TUNAR: variants seen among roughly 807,000 people sequenced by gnomAD.
TUNAR encodes protein TUNAR.
At chr14:95,884,824 C>A (rs1889048242) in intron 2 of TUNAR, among the ~76,000 whole-genome samples, 1 of 152,204 alleles carries the variant, frequency 6.6e-6, no homozygotes, top group African/African-American at 2.4e-5. Context: ...TCTCCGACTG[C>A]CGCTCTTGCT....
chr14:95,894,180 G>A (rs1426396609), intron 2 of TUNAR, among the ~76,000 whole-genome samples: 1 of 152,232 alleles, frequency 6.6e-6, no homozygotes, highest in Non-Finnish European at 1.5e-5. Context: ...CCCGTGGGAT[G>A]TTGAGAGTGT....
At chr14:95,885,615 G>A (rs1281271529) in intron 2 of TUNAR, among the ~76,000 whole-genome samples, 2 of 152,174 alleles carry the variant, frequency 1.3e-5, no homozygotes, top group Non-Finnish European at 2.9e-5. Flanking sequence ...GGTCTGTAGA[G>A]TCAGGCTGAG....
chr14:95,897,361 A>T (rs544431008), intron 2 of TUNAR, among the ~76,000 whole-genome samples: 2 of 152,166 alleles, frequency 1.3e-5, no homozygotes, highest in African/African-American at 4.8e-5. Flanking sequence ...TTACTTTTCA[A>T]TCTTTAGATA....
chr14:95,897,023 C>A (rs1304088860), intron 2 of TUNAR, among the ~76,000 whole-genome samples: 2 of 152,248 alleles, frequency 1.3e-5, no homozygotes, highest in African/African-American at 2.4e-5. Flanking sequence ...TTTTATTTCA[C>A]AGTAAAACCG....
At chr14:95,907,990 G>T (rs996822739) in intron 2 of TUNAR, among the ~76,000 whole-genome samples, 2 of 152,308 alleles carry the variant, frequency 1.3e-5, no homozygotes, top group African/African-American at 4.8e-5. Context: ...TCCATGGGCA[G>T]CCATGGGTGG....
At position 95,910,210 on chromosome 14, in the gene TUNAR, C is replaced by T. The variant is rs538675733; in HGVS notation, c.13-12571C>T. Among the ~76,000 whole-genome samples, 62 of 152,190 alleles carry T rather than the reference C, an allele frequency of 4.1e-4. 1 individual carries two copies. The highest frequency in any genetic ancestry group is 8.5e-4 in the Admixed American group (13 of 15,284). ...TAATGCTTATTTTTGTCTGTGCTGT[C>T]GCTGTGTCTCTAGAATAGGGTCTTG... On this transcript the variant is annotated intron_variant, in intron 2 of 2. Transcript: ENST00000678517.
chr14:95,913,686 G>A (rs1197486187), intron 2 of TUNAR, among the ~76,000 whole-genome samples: 1 of 152,118 alleles, frequency 6.6e-6, no homozygotes, highest in Non-Finnish European at 1.5e-5. Flanking sequence ...CTCAGCCATG[G>A]TCTGTCCAGC....
intron 2 of TUNAR, among the ~76,000 whole-genome samples, chr14:95,879,721 G>C (rs1396657976): frequency 3.9e-5 from 5 of 127,010 alleles, no homozygotes; most frequent in Non-Finnish European, 8.5e-5. Context: ...TTTTTTTTCT[G>C]TAAGATCTCT....
intron 2 of TUNAR, among the ~76,000 whole-genome samples, chr14:95,891,047 C>T (rs1889172372): frequency 6.6e-6 from 1 of 152,220 alleles, no homozygotes; most frequent in African/African-American, 2.4e-5. Context: ...AGGGAAGCGA[C>T]ATGATCTAGT....
At chr14:95,882,147 T>C (rs1306540502) in intron 2 of TUNAR, among the ~76,000 whole-genome samples, 4 of 152,200 alleles carry the variant, frequency 2.6e-5, no homozygotes, top group African/African-American at 9.7e-5. Flanking sequence ...AGTTTTTGAT[T>C]TGGTAAATGA....
chr14:95,882,197 T>C (rs183961802), intron 2 of TUNAR, among the ~76,000 whole-genome samples: 1 of 152,370 alleles, frequency 6.6e-6, no homozygotes, highest in African/African-American at 2.4e-5. Flanking sequence ...CCATGGAATC[T>C]GCATCTTCTG....
chr14:95,879,725 G>T (rs1033983505), intron 2 of TUNAR, among the ~76,000 whole-genome samples: 3 of 146,772 alleles, frequency 2.0e-5, no homozygotes, highest in East Asian at 2.0e-4. Context: ...TTTTCTGTAA[G>T]ATCTCTAAGC....
chr14:95,886,289 T>C (rs1463934641), intron 2 of TUNAR, among the ~76,000 whole-genome samples: 3 of 152,222 alleles, frequency 2.0e-5, no homozygotes, highest in Non-Finnish European at 4.4e-5. Context: ...CGTGTGCCAC[T>C]CAGTGACCAT....
intron 2 of TUNAR, among the ~76,000 whole-genome samples, chr14:95,904,902 T>C (rs1243883722): frequency 6.6e-6 from 1 of 152,148 alleles, no homozygotes; most frequent in African/African-American, 2.4e-5. Context: ...GTTCTGGGGC[T>C]TTCTGTAACC....
intron 2 of TUNAR, among the ~76,000 whole-genome samples, chr14:95,900,239 G>A (rs1431877943): frequency 6.6e-6 from 1 of 152,224 alleles, no homozygotes; most frequent in East Asian, 1.9e-4. Flanking sequence ...CAACTCAGAG[G>A]GAGAGACAAA....
intron 2 of TUNAR, among the ~76,000 whole-genome samples, chr14:95,899,201 G>A (rs1321619884): frequency 6.6e-6 from 1 of 152,160 alleles, no homozygotes; most frequent in Non-Finnish European, 1.5e-5. Context: ...TATGCTGGAG[G>A]ACCCAGGAGT....
At chr14:95,890,947 C>T (rs1889169791) in intron 2 of TUNAR, among the ~76,000 whole-genome samples, 2 of 152,152 alleles carry the variant, frequency 1.3e-5, no homozygotes, top group South Asian at 4.1e-4. Flanking sequence ...CACTCGGAGT[C>T]CTCAGAAATC....
intron 2 of TUNAR, among the ~76,000 whole-genome samples, chr14:95,889,973 A>AC (rs1472120064): frequency 1.3e-5 from 2 of 152,126 alleles, no homozygotes; most frequent in Admixed American, 1.3e-4. Flanking sequence ...AAAAAAAAAA[A>AC]AAAACTGACA....
chr14:95,919,714 AAAT>A (rs1400411172), intron 2 of TUNAR, among the ~76,000 whole-genome samples: 18 of 152,046 alleles, frequency 1.2e-4, no homozygotes, highest in Admixed American at 1.1e-3. Context: ...GCCTGTCTCA[AAAT>A]AATAATAATA....
Sources: allele counts gnomAD v4.1 joint callset (sites outside exome capture counted in the v4.1 genomes callset), GRCh38; gene constraint gnomAD v4.1.1; transcripts MANE v1.5; gene names NCBI Gene and HGNC (gene_info 2026-07-23, HGNC 2026-07-21).